Variants in LNX1 observed in about 807,000 individuals in gnomAD.
The protein encoded by LNX1 is ligand of numb-protein X 1.
A neutral mutation model predicts 68.4 loss-of-function variants in LNX1; 54 were observed. The observed-to-expected ratio is 0.79, with a 90% CI of 0.63 to 0.99. The LOEUF (loss-of-function observed/expected upper bound fraction) is 0.99, where lower values mean the gene tolerates loss of function less well. Ranked by LOEUF, LNX1 falls within the 50% of genes least tolerant of loss-of-function variation. LNX1 has a pLI of 0.00. For synonymous variants in LNX1, 336 were observed against 350.0 expected (o/e 0.96, Z 0.45); for missense variants, 906 against 926.4 (o/e 0.98, Z 0.29).
At chr4:53,651,359 G>GAC (rs1445303737) in intron 1 of LNX1, among the ~76,000 whole-genome samples, 1 of 152,198 alleles carries the variant, frequency 6.6e-6, no homozygotes, top group Non-Finnish European at 1.5e-5. Context: ...CCTGACACAT[G>GAC]ACCAGTCAGT....
At chr4:53,546,035 G>A (rs751416679) in intron 2 of LNX1, among the ~76,000 whole-genome samples, 18 of 151,856 alleles carry the variant, frequency 1.2e-4, no homozygotes, top group Non-Finnish European at 2.1e-4. Context: ...TCAAACTCCT[G>A]ACCTCAAGTG....
intron 2 of LNX1, among the ~76,000 whole-genome samples, chr4:53,523,966 C>A (rs1412443945): frequency 1.3e-5 from 2 of 152,140 alleles, no homozygotes; most frequent in African/African-American, 4.8e-5. Context: ...CTTTTCTGTT[C>A]ACTTAATTAT....
chr4:53,521,639 G>A (rs528051645), intron 2 of LNX1, among the ~76,000 whole-genome samples: 35 of 152,234 alleles, frequency 2.3e-4, no homozygotes, highest in Middle Eastern at 3.4e-3. Context: ...ATATTTAAAA[G>A]AAACAACCTT....
chr4:53,601,390 A>T (rs1733008502), intron 2 of LNX1, among the ~76,000 whole-genome samples: 2 of 152,072 alleles, frequency 1.3e-5, no homozygotes, highest in South Asian at 4.1e-4. Flanking sequence ...CAGGGGGTGG[A>T]CAGGAAATGC....
chr4:53,614,821 A>C (rs2668557), intron 2 of LNX1, among the ~76,000 whole-genome samples: 1,533 of 151,574 alleles, frequency 0.01, 33 homozygotes, highest in African/African-American at 0.035. Context: ...CCTCCTGGTC[A>C]TGGAGCAATT....
intron 2 of LNX1, among the ~76,000 whole-genome samples, chr4:53,528,296 C>T (rs1326730938): frequency 6.6e-6 from 1 of 152,204 alleles, no homozygotes; most frequent in Non-Finnish European, 1.5e-5. Flanking sequence ...TCAACTGCAG[C>T]TTCAAACTAT....
chr4:53,575,985 G>T, intron 1 of LNX1: 2 of 1,559,314 alleles, frequency 1.3e-6, no homozygotes, highest in Middle Eastern at 1.9e-4. Flanking sequence ...GCATGCACAC[G>T]CTGCTCCAGC....
At chr4:53,471,289 C>T (rs12651687) in intron 9 of LNX1, among the ~76,000 whole-genome samples, 11,804 of 151,598 alleles carry the variant, frequency 0.078, 765 homozygotes, top group South Asian at 0.28. Flanking sequence ...GCTAGCCATA[C>T]GTAGAGAGCT....
intron 9 of LNX1, among the ~76,000 whole-genome samples, chr4:53,474,415 C>T (rs996912337): frequency 6.6e-6 from 1 of 152,162 alleles, no homozygotes; most frequent in Non-Finnish European, 1.5e-5. Context: ...TCTCACACCA[C>T]AACAGCAGAA....
chr4:53,608,131 C>T (rs926715948), intron 2 of LNX1, among the ~76,000 whole-genome samples: 2 of 151,738 alleles, frequency 1.3e-5, no homozygotes, highest in African/African-American at 4.8e-5. Context: ...CCTAGTTAAA[C>T]TAATGAGCAT....
At chr4:53,644,992 A>T (rs2109890232) in intron 1 of LNX1, among the ~76,000 whole-genome samples, 1 of 152,324 alleles carries the variant, frequency 6.6e-6, no homozygotes, top group South Asian at 2.1e-4. Context: ...CTAACTCCTC[A>T]ATTCTTGCCA....
intron 2 of LNX1, among the ~76,000 whole-genome samples, chr4:53,559,704 G>T (rs1030152775): frequency 6.6e-5 from 10 of 151,676 alleles, no homozygotes; most frequent in Non-Finnish European, 1.0e-4. Context: ...CTGTAGTGCT[G>T]TGTCACAATT....
At chr4:53,634,207 G>A (rs141501251) in intron 1 of LNX1, among the ~76,000 whole-genome samples, 1 of 151,586 alleles carries the variant, frequency 6.6e-6, no homozygotes, top group South Asian at 2.1e-4. Context: ...CAAGCCCAGT[G>A]GAATGGGCTG....
chr4:53,567,319 C>A (rs1376893188), intron 2 of LNX1, among the ~76,000 whole-genome samples: 1 of 147,610 alleles, frequency 6.8e-6, no homozygotes, highest in Non-Finnish European at 1.5e-5. Context: ...TGCAATCAAA[C>A]TAGAACTCAG....
At chr4:53,559,696 G>A (rs1730145199) in intron 2 of LNX1, among the ~76,000 whole-genome samples, 2 of 151,856 alleles carry the variant, frequency 1.3e-5, no homozygotes, top group African/African-American at 4.8e-5. Context: ...CACCCAGGCT[G>A]TAGTGCTGTG....
intron 2 of LNX1, among the ~76,000 whole-genome samples, chr4:53,610,635 G>A (rs1176945719): frequency 6.7e-6 from 1 of 149,160 alleles, no homozygotes; most frequent in Non-Finnish European, 1.5e-5. Context: ...GTGAACCCGG[G>A]AGGCAGAGCC....
At chr4:53,634,425 G>C (rs1224469236) in intron 1 of LNX1, among the ~76,000 whole-genome samples, 4 of 151,892 alleles carry the variant, frequency 2.6e-5, no homozygotes, top group Non-Finnish European at 4.4e-5. Flanking sequence ...TTGTATTTTA[G>C]TAGAGACGGG....
intron 1 of LNX1, among the ~76,000 whole-genome samples, chr4:53,581,597 G>C (rs1731842234): frequency 1.3e-5 from 2 of 152,148 alleles, no homozygotes; most frequent in Non-Finnish European, 2.9e-5. Flanking sequence ...GTCTAACATG[G>C]TGGCAGGCGA....
intron 2 of LNX1, among the ~76,000 whole-genome samples, chr4:53,538,152 A>G (rs1036761355): frequency 1.1e-4 from 17 of 152,258 alleles, no homozygotes; most frequent in African/African-American, 4.1e-4. Context: ...CTCACTCCCA[A>G]GCACAGAATC....
Sources: gnomAD v4.1 joint callset for allele counts (sites outside exome capture counted in the v4.1 genomes callset) on GRCh38, gnomAD v4.1.1 for gene constraint, MANE v1.5 for transcripts, NCBI Gene and HGNC (gene_info 2026-07-23, HGNC 2026-07-21) for gene names.